SLCO4C1: variants seen among roughly 807,000 people sequenced by gnomAD.
The protein encoded by SLCO4C1 is organic anion transporter M1.
SLCO4C1 carries 58 observed loss-of-function variants against 72.1 expected under a neutral mutation model. That is an observed-to-expected ratio of 0.80 (90% CI 0.65 to 1.00). The LOEUF (loss-of-function observed/expected upper bound fraction) is 1.00, where lower values mean the gene tolerates loss of function less well. Among genes scored for constraint, SLCO4C1 ranks in the 50% least tolerant of loss-of-function variants. The pLI is 0.00. For missense variants in SLCO4C1, 898 were observed against 857.9 expected (o/e 1.05, Z -0.58); for synonymous variants, 297 against 312.5 (o/e 0.95, Z 0.52).
intron 12 of SLCO4C1, among the ~76,000 whole-genome samples, chr5:102,238,050 T>C (rs1748470889): frequency 6.6e-6 from 1 of 152,188 alleles, no homozygotes; most frequent in African/African-American, 2.4e-5. Context: ...ATATTTTGTT[T>C]AAAAACATGT....
rs185622024 is a variant in SLCO4C1, at chr5:102,292,258, C to T, written c.356-652G>A. On this transcript the variant is annotated intron_variant, in intron 1 of 12. Transcript: ENST00000310954. The stretch of plus-strand genomic sequence containing the variant: ...ATGATGAAGTCAAACTGGTAAAGTC[C>T]CGTGAAGCCAGTTTGATAGAGTTTC... Among the ~76,000 whole-genome samples, 314 of 152,178 alleles carry T rather than the reference C, an allele frequency of 2.1e-3. 2 individuals are homozygous for T. The highest frequency in any genetic ancestry group is 7.2e-3 in the African/African-American group (298 of 41,504).
intron 12 of SLCO4C1, among the ~76,000 whole-genome samples, chr5:102,237,948 G>C (rs1748469643): frequency 6.6e-6 from 1 of 152,154 alleles, no homozygotes; most frequent in Non-Finnish European, 1.5e-5. Context: ...TCCAACCACA[G>C]TATAAGCATT....
intron 3 of SLCO4C1, among the ~76,000 whole-genome samples, chr5:102,267,963 T>G (rs1749074540): frequency 6.6e-6 from 1 of 152,128 alleles, no homozygotes; most frequent in Admixed American, 6.6e-5. Context: ...ATACCTGATA[T>G]ATTATTAATA....
intron 11 of SLCO4C1, among the ~76,000 whole-genome samples, chr5:102,239,736 T>C (rs1748504781): frequency 6.6e-6 from 1 of 152,074 alleles, no homozygotes. Context: ...TCAAAATAAA[T>C]TATTCATGAT....
Position 102,296,057 on chromosome 5 carries a change from T to C in SLCO4C1, c.206A>G (p.Asn69Ser), listed in dbSNP as rs76381196. The change falls in exon 1 of 13, where the codon AAT becomes AGT. Residue 69 changes from asparagine (N) to serine (S), a missense_variant. Physicochemically the swap from Asn to Ser is conservative, Grantham distance 46. Transcript: ENST00000310954. ...PEPSLPSAPPNVSEEKLRSLS... is the reference protein window; with the variant it reads ...PEPSLPSAPPSVSEEKLRSLS... ...TGACCGGAGCTTCTCTTCGGAGACA[T>C]TGGGAGGGGCTGAAGGCAGAGATGG... The C allele has an allele frequency of 0.046, 73,651 of 1,614,116 alleles. 1,929 individuals carry two copies. Among genetic ancestry groups the C allele is most frequent in the East Asian group, 0.053 (2,383 of 44,854 alleles).
rs1404559111 is a variant in SLCO4C1 at position 102,247,393 on chromosome 5, G to A, written c.1670C>T (p.Thr557Ile). ...AGCTTCAAAACCAAAAGTTTCTGCA[G>A]TGGATGTTATTTCTGTTTTCCTTTC... ...CIERKTEITS[T>I]AETFGFEAKA... Residue 557 changes from threonine (T) to isoleucine (I), a missense_variant, in exon 10 of 13, where the codon ACT becomes ATT. Coordinates refer to ENST00000310954, the MANE Select transcript of SLCO4C1 (RefSeq NM_180991.5). 13 of 1,592,714 alleles carry A rather than the reference G, an allele frequency of 8.2e-6. No homozygotes were observed. The highest frequency in any genetic ancestry group is 1.1e-5 in the Non-Finnish European group (13 of 1,164,010).
At chr5:102,281,705 A>G (rs1749359326) in intron 2 of SLCO4C1, among the ~76,000 whole-genome samples, 1 of 152,150 alleles carries the variant, frequency 6.6e-6, no homozygotes. Flanking sequence ...AAAGAAATAC[A>G]AATTAAAACA....
chr5:102,248,701 C>A (rs1288955662), intron 9 of SLCO4C1, among the ~76,000 whole-genome samples: 1 of 152,120 alleles, frequency 6.6e-6, no homozygotes, highest in Non-Finnish European at 1.5e-5. Flanking sequence ...AACTCTTACA[C>A]ATCTTATTCA....
At chr5:102,267,151 A>G (rs1194500445) in intron 3 of SLCO4C1, among the ~76,000 whole-genome samples, 1 of 152,148 alleles carries the variant, frequency 6.6e-6, no homozygotes, top group Non-Finnish European at 1.5e-5. Context: ...ATAAGTTAGG[A>G]AGAATTCTCT....
chr5:102,253,840 T>G (rs2112351134), intron 8 of SLCO4C1, among the ~76,000 whole-genome samples: 2 of 151,752 alleles, frequency 1.3e-5, no homozygotes, highest in South Asian at 4.2e-4. Context: ...TATTCAGTAC[T>G]ATGCTTGGTA....
At chr5:102,291,302 T>G in intron 2 of SLCO4C1, 41 bp downstream of exon 2, 1 of 1,586,304 alleles carries the variant, frequency 6.3e-7, no homozygotes, top group Non-Finnish European at 8.6e-7. Flanking sequence ...TTTTATCCAC[T>G]TCTTCAGATT....
At chr5:102,249,891 C>T (rs1748706551) in intron 8 of SLCO4C1, 103 bp from the exon 9 acceptor site, 8 of 1,140,810 alleles carry the variant, frequency 7.0e-6, no homozygotes, top group East Asian at 2.4e-5. Flanking sequence ...TATTCACTCA[C>T]TCAACACATA....
chr5:102,294,956 C>G (rs1444243364), intron 1 of SLCO4C1, among the ~76,000 whole-genome samples: 1 of 152,308 alleles, frequency 6.6e-6, no homozygotes, highest in East Asian at 1.9e-4. Context: ...AAAATATTCT[C>G]GGACTATGAC....
rs1325588555 is a variant in SLCO4C1, at chr5:102,247,385, T to C, written c.1678A>G (p.Thr560Ala). The C allele has an allele frequency of 6.3e-7, 1 of 1,594,842 alleles. No homozygotes were observed. The highest frequency in any genetic ancestry group is 8.6e-7 in the Non-Finnish European group (1 of 1,165,410). ...RKTEITSTAETFGFEAKAGKC... is the reference protein window; with the variant it reads ...RKTEITSTAEAFGFEAKAGKC... ...CCAGCTTTAGCTTCAAAACCAAAAG[T>C]TTCTGCAGTGGATGTTATTTCTGTT... The change falls in exon 10 of 13, where the codon ACT becomes GCT. Residue 560 changes from threonine to alanine, a missense_variant. By Grantham distance (58) the Thr-to-Ala change is moderately conservative. Transcript: ENST00000310954.
chr5:102,247,917 C>CTTTTTTTTTT (rs55692838), intron 9 of SLCO4C1, among the ~76,000 whole-genome samples: 1 of 107,436 alleles, frequency 9.3e-6, no homozygotes, highest in African/African-American at 3.4e-5. Flanking sequence ...AGGCCAGAAA[C>CTTTTTTTTTT]TTTTTTTTTT....
In SLCO4C1 at chr5:102,257,223, A is replaced by C. The variant is rs777121103; in HGVS notation, c.1361T>G (p.Met454Arg). The change falls in exon 8 of 13, where the codon ATG becomes AGG. Residue 454 changes from methionine (M) to arginine (R), a missense_variant. Physicochemically the swap from Met to Arg is moderately conservative, Grantham distance 91. Transcript: ENST00000310954. ...TCCAGATGTGAACAGTGCAAACTTC[A>C]TTGTGTTTTTACATGTCATTCTGAA... ...SKFRMTCKNTMKFALFTSGVA... is the reference protein window; with the variant it reads ...SKFRMTCKNTRKFALFTSGVA... 5 of 1,611,718 alleles carry C rather than the reference A, an allele frequency of 3.1e-6. No individual in the cohort carries two copies. The highest frequency in any genetic ancestry group is 1.7e-5 in the Admixed American group (1 of 59,546).
At chr5:102,254,837 T>C (rs900425361) in intron 8 of SLCO4C1, among the ~76,000 whole-genome samples, 1 of 152,200 alleles carries the variant, frequency 6.6e-6, no homozygotes, top group Admixed American at 6.5e-5. Flanking sequence ...TTGAGTTGCT[T>C]ATTGCAATAT....
At chr5:102,270,498 T>A (rs1393259362) in intron 3 of SLCO4C1, 126 bp downstream of exon 3, 1 of 653,968 alleles carries the variant, frequency 1.5e-6, no homozygotes, top group Non-Finnish European at 2.3e-6. Context: ...TAATACTGCA[T>A]TTATTTATTG....
intron 2 of SLCO4C1, among the ~76,000 whole-genome samples, chr5:102,273,202 A>C (rs984635857): frequency 1.3e-5 from 2 of 152,162 alleles, no homozygotes; most frequent in African/African-American, 2.4e-5. Context: ...AAAAGGTTAC[A>C]GAGAAAATTA....
Sources: gnomAD v4.1 joint callset for allele counts (sites outside exome capture counted in the v4.1 genomes callset) on GRCh38, gnomAD v4.1.1 for gene constraint, MANE v1.5 for transcripts, NCBI Gene and HGNC (gene_info 2026-07-23, HGNC 2026-07-21) for gene names.